ZC4H2: variants seen among roughly 807,000 people sequenced by gnomAD.
ZC4H2 encodes the protein zinc finger C4H2-type containing.
For missense variants in ZC4H2, 137 were observed against 173.9 expected, an observed-to-expected ratio of 0.79 and a Z score of 1.19; for synonymous variants, 84 against 66.3, an observed-to-expected ratio of 1.27 and a Z score of -1.30.
At position 64,917,235 on chromosome X, in the gene ZC4H2, A is replaced by G. The variant is rs755741622; in HGVS notation, c.*548T>C. Reference sequence around the variant, plus strand: ...GAATTACAGCCATGCCTCCCAAATGATTATGAAAAGGAGGGCTTGTCCAAG... The same window carrying G: ...GAATTACAGCCATGCCTCCCAAATGGTTATGAAAAGGAGGGCTTGTCCAAG... On this transcript the variant is annotated 3_prime_UTR_variant, in exon 5 of 5. Coordinates refer to ENST00000374839, the MANE Select transcript of ZC4H2 (RefSeq NM_018684.4). The G allele has an allele frequency of 8.9e-6, 1 of 112,294 alleles. No homozygotes were observed. Among genetic ancestry groups the G allele is most frequent in the East Asian group, 2.8e-4 (1 of 3,554 alleles). The allele number at this position is 112,294 out of a possible 1,213,427, so 9.3% of individuals were successfully genotyped here.
intron 1 of ZC4H2, among the ~76,000 whole-genome samples, chrX:65,019,549 C>A (rs1177934742): frequency 8.9e-6 from 1 of 112,153 alleles, no homozygotes; most frequent in African/African-American, 3.2e-5. Context: ...ACATCAAAGA[C>A]CAAAGGCAGA....
intron 1 of ZC4H2, among the ~76,000 whole-genome samples, chrX:64,938,168 T>C (rs1930101481): frequency 9.0e-6 from 1 of 111,724 alleles, no homozygotes; most frequent in Admixed American, 9.5e-5. Flanking sequence ...TCTATGCAAA[T>C]AAACTAGAAA....
intron 1 of ZC4H2, among the ~76,000 whole-genome samples, chrX:65,005,711 T>G (rs1932641848): frequency 9.0e-6 from 1 of 111,583 alleles, no homozygotes; most frequent in Admixed American, 9.5e-5. Context: ...TGACAAATGT[T>G]ATCTAATTAC....
At chrX:64,976,953 T>A (rs1253709768), upstream of ZC4H2, among the ~76,000 whole-genome samples, 4 of 106,042 alleles carry the variant, frequency 3.8e-5, no homozygotes, top group Non-Finnish European at 7.8e-5. Flanking sequence ...AAGAGGAGGA[T>A]GGGAGGAGGG....
chrX:65,027,268 TAAGG>T (rs1292582405), intron 1 of ZC4H2, among the ~76,000 whole-genome samples: 1 of 111,513 alleles, frequency 9.0e-6, no homozygotes, highest in Non-Finnish European at 1.9e-5. Context: ...GTGTAATCAA[TAAGG>T]AATGGGGAAT....
chrX:64,923,335 C>G (rs1313409828), intron 1 of ZC4H2, among the ~76,000 whole-genome samples: 1 of 111,420 alleles, frequency 9.0e-6, no homozygotes, highest in African/African-American at 3.3e-5. Flanking sequence ...AAGGGGTACC[C>G]TCTAAGGCAT....
At chrX:65,028,834 A>T (rs1431957497) in intron 1 of ZC4H2, among the ~76,000 whole-genome samples, 1 of 111,313 alleles carries the variant, frequency 9.0e-6, no homozygotes, top group Non-Finnish European at 1.9e-5. Flanking sequence ...TCTTTGGGGA[A>T]ATTTTTTTGG....
intron 1 of ZC4H2, among the ~76,000 whole-genome samples, chrX:64,928,966 G>GCAACCTC (rs1036786471): frequency 6.8e-5 from 7 of 102,365 alleles, no homozygotes; most frequent in African/African-American, 1.8e-4. Flanking sequence ...TCGGCTCACT[G>GCAACCTC]CAACCTCCAC....
intron 1 of ZC4H2, among the ~76,000 whole-genome samples, chrX:64,958,636 A>C (rs929035252): frequency 9.1e-6 from 1 of 109,665 alleles, no homozygotes; most frequent in Non-Finnish European, 1.9e-5. Flanking sequence ...TGTCTCAGTA[A>C]TTTTTTTTTG....
chrX:64,953,782 T>A (rs748071841), intron 1 of ZC4H2, among the ~76,000 whole-genome samples: 16 of 111,349 alleles, frequency 1.4e-4, no homozygotes. Context: ...GATCTAGAAC[T>A]AGAAATACCA....
intron 1 of ZC4H2, among the ~76,000 whole-genome samples, chrX:64,971,217 T>C (rs1052808051): frequency 8.9e-6 from 1 of 112,576 alleles, no homozygotes; most frequent in Non-Finnish European, 1.9e-5. Flanking sequence ...TTAGTGAAGA[T>C]GTTTGAGAAA....
chrX:65,011,353 C>T (rs951130507), intron 1 of ZC4H2, among the ~76,000 whole-genome samples: 7 of 111,444 alleles, frequency 6.3e-5, no homozygotes, highest in Non-Finnish European at 1.3e-4. Context: ...CACCATGTTC[C>T]CCCTTTGCTC....
chrX:64,928,338 T>A (rs998962754), intron 1 of ZC4H2, among the ~76,000 whole-genome samples: 4 of 112,223 alleles, frequency 3.6e-5, no homozygotes, highest in African/African-American at 1.3e-4. Context: ...TTTTTCTGCT[T>A]ATGGCTAGCC....
intron 1 of ZC4H2, among the ~76,000 whole-genome samples, chrX:65,000,594 CTG>C (rs928511966): frequency 1.6e-4 from 18 of 111,911 alleles, no homozygotes; most frequent in African/African-American, 5.2e-4. Flanking sequence ...GTCTGATGAA[CTG>C]AGAGAAGTAG....
chrX:64,964,344 C>T (rs973817765), intron 1 of ZC4H2, among the ~76,000 whole-genome samples: 5 of 111,009 alleles, frequency 4.5e-5, no homozygotes, highest in African/African-American at 9.8e-5. Flanking sequence ...TAAAGCTACA[C>T]GCCCACTGAT....
At chrX:64,943,161 T>C (rs932178659) in intron 1 of ZC4H2, among the ~76,000 whole-genome samples, 1 of 112,333 alleles carries the variant, frequency 8.9e-6, no homozygotes, top group Non-Finnish European at 1.9e-5. Context: ...AGTTTCTTAA[T>C]CCTGAGTTCT....
chrX:64,998,680 T>C (rs1316438329), intron 1 of ZC4H2, among the ~76,000 whole-genome samples: 1 of 111,833 alleles, frequency 8.9e-6, no homozygotes, highest in East Asian at 2.8e-4. Flanking sequence ...GTCTGGTTGT[T>C]CTATCAATTA....
intron 1 of ZC4H2, among the ~76,000 whole-genome samples, chrX:65,012,173 A>T (rs1411725153): frequency 1.0e-5 from 1 of 97,665 alleles, no homozygotes; most frequent in African/African-American, 3.9e-5. Flanking sequence ...GGTTGCGGTG[A>T]ACCGAGATTG....
At chrX:65,027,020 C>T in intron 1 of ZC4H2, among the ~76,000 whole-genome samples, 1 of 112,123 alleles carries the variant, frequency 8.9e-6, no homozygotes, top group Non-Finnish European at 1.9e-5. Context: ...TCCAGACTCC[C>T]AAGGAAGGAC....
Sources: gnomAD v4.1 joint callset for allele counts (sites outside exome capture counted in the v4.1 genomes callset) on GRCh38, gnomAD v4.1.1 for gene constraint, MANE v1.5 for transcripts, NCBI Gene and HGNC (gene_info 2026-07-23, HGNC 2026-07-21) for gene names.